The following EAF1 variants were observed in gnomAD, a reference collection of about 807,000 sequenced individuals.
The protein encoded by EAF1 is ELL associated factor 1, also known as ELL-associated factor 1.
Under a neutral mutation model 26.6 loss-of-function variants are expected in EAF1, and 19 were observed. The observed-to-expected ratio is 0.71, with a 90% confidence interval of 0.50 to 1.05. The LOEUF (loss-of-function observed/expected upper bound fraction) is 1.05. Among genes scored for constraint, EAF1 ranks in the 50% least tolerant of loss-of-function variants. EAF1 has a pLI of 0.00. For missense variants in EAF1, 260 were observed against 335.5 expected (o/e 0.78, Z 1.76); for synonymous variants, 102 against 120.6 (o/e 0.85, Z 1.01).
At chr3:15,433,233 T>TAAAAAAA (rs11328510) in intron 3 of EAF1, 2 of 94,134 alleles carry the variant, frequency 2.1e-5, no homozygotes, top group African/African-American at 7.6e-5. Flanking sequence ...TGCTATTATC[T>TAAAAAAA]AAAAAAAAAA....
Position 15,427,608 on chromosome 3 carries a change from C to A in EAF1, c.-172C>A. On this transcript the variant is annotated 5_prime_UTR_variant, in exon 1 of 6. Coordinates refer to ENST00000396842, the MANE Select transcript of EAF1 (RefSeq NM_033083.7). ...TGCCTCCTCAGATTCCTCTCTCACC[C>A]CCACGCAGAGGAGAGAACTTGCTTC... The A allele has an allele frequency of 1.6e-6, 1 of 631,386 alleles. No homozygotes were observed. Among genetic ancestry groups the A allele is most frequent in the South Asian group, 1.9e-5 (1 of 53,486 alleles). 39.1% of individuals were successfully genotyped at this position (631,386 alleles called of 1,614,324 possible). A position where few individuals can be genotyped will look rare whatever the true frequency, so the allele number is the denominator to read the frequency against.
rs2125071008 is a variant in EAF1, at chr3:15,442,215, G to GTA, written c.*3061_*3062insAT. ...GAGAGGCTGGTTCAGCAGGGTGTGT[G>GTA]TGTGTGTGTGTGTGTGTGTGTATGA... On this transcript the variant is annotated 3_prime_UTR_variant, in exon 6 of 6. Coordinates refer to ENST00000396842, the MANE Select transcript of EAF1 (RefSeq NM_033083.7). 6.6e-6 allele frequency: 1 copy of GTA among 152,336 alleles called. No individual in the cohort carries two copies. The highest frequency in any genetic ancestry group is 2.4e-5 in the African/African-American group (1 of 41,398). 9.4% of individuals were successfully genotyped at this position (152,336 alleles called of 1,614,324 possible). A position where few individuals can be genotyped will look rare whatever the true frequency, so the allele number is the denominator to read the frequency against.
chr3:15,433,082 GTTA>G (rs1196587160), intron 3 of EAF1: 20 of 151,964 alleles, frequency 1.3e-4, no homozygotes, highest in African/African-American at 3.6e-4. Flanking sequence ...TTAGAAAGGT[GTTA>G]TTATTATTTT....
chr3:15,436,384 G>A lies in EAF1; in HGVS notation c.569G>A (p.Ser190Asn), dbSNP rs756050008. 1.9e-6 allele frequency: 3 copies of A among 1,613,486 alleles called. No individual in the cohort carries two copies. The highest frequency in any genetic ancestry group is 2.5e-6 in the Non-Finnish European group (3 of 1,179,498). ...GACATTATTGAACAAATGAGCAGCA[G>A]CAGTGGGAGCAGCTCTTCAGACTCT... ...EVDIIEQMSS[S>N]SGSSSSDSES... Residue 190 changes from serine (S) to asparagine (N), a missense_variant, in exon 5 of 6, where the codon AGC (serine) becomes AAC (asparagine). Physicochemically the swap from Ser to Asn is conservative, Grantham distance 46 (BLOSUM62 1). Coordinates refer to ENST00000396842, the MANE Select transcript of EAF1 (RefSeq NM_033083.7).
At chr3:15,434,699 GCTTCTGCCACTTA>G (rs1212791175) in intron 4 of EAF1, among the ~76,000 whole-genome samples, 161 bp downstream of exon 4, 1 of 152,176 alleles carries the variant, frequency 6.6e-6, no homozygotes, top group Non-Finnish European at 1.5e-5. Context: ...GAGGGTGGGG[GCTTCTGCCACTTA>G]CCTCATTTGA....
rs2061794038 is a variant in EAF1 at position 15,430,075 on chromosome 3, A to T, written c.198+68A>T. Reference sequence around the variant, plus strand: ...AATCTTTGTCTTTTATATTATTGCAATTTAAACTTCCTACTTTTAAAAATG... The same window carrying T: ...AATCTTTGTCTTTTATATTATTGCATTTTAAACTTCCTACTTTTAAAAATG... On this transcript the variant is annotated intron_variant, in intron 2 of 5. Transcript: ENST00000396842. The T allele has an allele frequency of 4.0e-5, 46 of 1,162,442 alleles. No homozygotes were observed. The South Asian group carries it at 6.4e-4, about 16-fold the overall frequency. The allele number at this position is 1,162,442 out of a possible 1,614,324, so 72.0% of individuals were successfully genotyped here.
At chr3:15,434,561 A>G in intron 4 of EAF1, 23 bp downstream of exon 4, 2 of 1,612,812 alleles carry the variant, frequency 1.2e-6, no homozygotes, top group Non-Finnish European at 1.7e-6. Flanking sequence ...TTCTGGATCC[A>G]TGATAGCAAC....
intron 2 of EAF1, among the ~76,000 whole-genome samples, chr3:15,431,539 G>GC (rs916826014): frequency 3.3e-5 from 5 of 152,198 alleles, no homozygotes; most frequent in Non-Finnish European, 7.3e-5. Context: ...CCAGGGAAGG[G>GC]CCCGGTAGTG....
chr3:15,429,826 A>G, intron 1 of EAF1, 87 bp from the exon 2 acceptor site: 1 of 811,794 alleles, frequency 1.2e-6, no homozygotes, highest in Non-Finnish European at 2.1e-6. Flanking sequence ...CATCTGAGTA[A>G]TAATTTTAAT....
intron 2 of EAF1, among the ~76,000 whole-genome samples, chr3:15,431,220 GA>G (rs1361485091): frequency 6.6e-6 from 1 of 152,146 alleles, no homozygotes; most frequent in East Asian, 1.9e-4. Context: ...ATATAACCTT[GA>G]ACAAAACAAG....
chr3:15,432,448 C>A (rs1575451031), intron 3 of EAF1, among the ~76,000 whole-genome samples: 2 of 152,202 alleles, frequency 1.3e-5, no homozygotes, highest in Middle Eastern at 6.8e-3. Flanking sequence ...ACATGGGAAC[C>A]ATTAGGGAAA....
In EAF1 at chr3:15,440,576, A is replaced by T. The variant is rs2061861916; in HGVS notation, c.*1421A>T. ...CTCCCTCCCCAGCTAGTGGAGGGGAAGCAGTCTGGACTTAGAAAGGAAATA... is the reference window on the plus strand; with the variant it reads ...CTCCCTCCCCAGCTAGTGGAGGGGATGCAGTCTGGACTTAGAAAGGAAATA... On this transcript the variant is annotated 3_prime_UTR_variant, in exon 6 of 6. Coordinates refer to ENST00000396842, the MANE Select transcript of EAF1 (RefSeq NM_033083.7). 6.6e-6 allele frequency: 1 copy of T among 152,206 alleles called. No individual in the cohort carries two copies. Among genetic ancestry groups the T allele is most frequent in the Non-Finnish European group, 1.5e-5 (1 of 68,044 alleles). The allele number at this position is 152,206 out of a possible 1,614,324, so 9.4% of individuals were successfully genotyped here.
At chr3:15,437,186 A>G (rs1416874151) in intron 5 of EAF1, among the ~76,000 whole-genome samples, 2 of 149,922 alleles carry the variant, frequency 1.3e-5, no homozygotes, top group Non-Finnish European at 3.0e-5. Context: ...GTGAACCACC[A>G]TGCCTGCCTA....
At chr3:15,432,729 T>G (rs533674085) in intron 3 of EAF1, among the ~76,000 whole-genome samples, 29 of 152,074 alleles carry the variant, frequency 1.9e-4, no homozygotes, top group Non-Finnish European at 3.1e-4. Context: ...TATTTGAAAA[T>G]AAAAATTCAT....
chr3:15,428,911 A>C (rs115882728), intron 1 of EAF1, among the ~76,000 whole-genome samples: 314 of 152,350 alleles, frequency 2.1e-3, no homozygotes, highest in Non-Finnish European at 3.4e-3. Flanking sequence ...TGCCATTGCT[A>C]TGCTTCCTAC....
rs142692553 is a variant in EAF1 at position 15,427,740 on chromosome 3, CG to C, written c.-37del. ...CCAGAAGCTCGGATCGCGGCTGCAC[CG>C]GGAGAGCGCCGATCTGGGTGCGAGG... is the stretch of plus-strand genomic sequence containing the variant. On this transcript the variant is annotated 5_prime_UTR_variant, in exon 1 of 6. Transcript: ENST00000396842. 13,941 of 1,540,884 alleles carry C rather than the reference CG, an allele frequency of 9.0e-3. 72 individuals carry two copies. The highest frequency in any genetic ancestry group is 0.011 in the Non-Finnish European group (12,832 of 1,138,550).
In EAF1 at chr3:15,441,922, T is replaced by C. The variant is rs533643039; in HGVS notation, c.*2767T>C. 6.5e-6 allele frequency: 1 copy of C among 152,726 alleles called. No individual in the cohort carries two copies. Among genetic ancestry groups the C allele is most frequent in the South Asian group, 2.1e-4 (1 of 4,824 alleles). 9.5% of individuals were successfully genotyped at this position (152,726 alleles called of 1,614,324 possible). ...AATTATTAAAATTGCCTTTTTTTTGTGCTGTACAATGTCTACTGTACTGTG... is the reference window on the plus strand; with the variant it reads ...AATTATTAAAATTGCCTTTTTTTTGCGCTGTACAATGTCTACTGTACTGTG... On this transcript the variant is annotated 3_prime_UTR_variant, in exon 6 of 6. Coordinates refer to ENST00000396842, the MANE Select transcript of EAF1 (RefSeq NM_033083.7).
chr3:15,435,588 T>C (rs570546293), intron 4 of EAF1, among the ~76,000 whole-genome samples: 20 of 152,224 alleles, frequency 1.3e-4, no homozygotes, highest in African/African-American at 4.6e-4. Context: ...AAAGGAGCCA[T>C]AGCCATTTAA....
At chr3:15,437,974 T>C (rs1369722260) in intron 5 of EAF1, among the ~76,000 whole-genome samples, 1 of 152,020 alleles carries the variant, frequency 6.6e-6, no homozygotes, top group African/African-American at 2.4e-5. Flanking sequence ...ACCAAAAATA[T>C]CTCAAGACAT....
Sources: allele counts gnomAD v4.1 joint callset (sites outside exome capture counted in the v4.1 genomes callset), GRCh38; gene constraint gnomAD v4.1.1; transcripts MANE v1.5; gene names NCBI Gene and HGNC (gene_info 2026-07-23, HGNC 2026-07-21).